The following CCDC38 variants were observed in gnomAD, a reference collection of about 807,000 sequenced individuals.
CCDC38 encodes coiled-coil domain-containing protein 38.
CCDC38 carries 69 observed loss-of-function variants against 72.8 expected under a neutral mutation model. The ratio of observed to expected loss-of-function variants is 0.95; its 90% CI spans 0.78 to 1.16. The LOEUF (loss-of-function observed/expected upper bound fraction) is 1.16, where lower values mean the gene tolerates loss of function less well. Ranked by LOEUF, CCDC38 falls within the 50% of genes most tolerant of loss-of-function variation. The pLI is 0.00. For synonymous variants in CCDC38, 201 were observed against 213.2 expected (o/e 0.94, Z 0.50); for missense variants, 626 against 638.9 (o/e 0.98, Z 0.22).
chr12:95,897,802 C>G (rs887793938), intron 7 of CCDC38, among the ~76,000 whole-genome samples: 2 of 151,924 alleles, frequency 1.3e-5, no homozygotes, highest in South Asian at 4.2e-4. Context: ...CACTGTGTTG[C>G]TAAGACTTCA....
At chr12:95,898,526 C>CAAA in intron 6 of CCDC38, 42 bp downstream of exon 6, 14 of 1,613,768 alleles carry the variant, frequency 8.7e-6, no homozygotes, top group Non-Finnish European at 1.2e-5. Flanking sequence ...AACAAACAAA[C>CAAA]AAAAGAGGTG....
intron 13 of CCDC38, among the ~76,000 whole-genome samples, chr12:95,874,526 A>G (rs1257476453): frequency 2.0e-5 from 3 of 152,238 alleles, no homozygotes; most frequent in African/African-American, 7.2e-5. Flanking sequence ...GGTAATTCAC[A>G]TATGAAAAAG....
intron 9 of CCDC38, 23 bp downstream of exon 9, chr12:95,890,809 A>C: frequency 6.9e-7 from 1 of 1,446,142 alleles, no homozygotes; most frequent in South Asian, 1.2e-5. Context: ...TTTTACTTTC[A>C]TGAGTCCCAA....
chr12:95,936,569 T>C (rs912664683), intron 1 of CCDC38, 46 bp from the exon 2 acceptor site: 2 of 1,537,052 alleles, frequency 1.3e-6, no homozygotes, highest in African/African-American at 2.7e-5. Context: ...TCTATGAACA[T>C]CATATAAAAG....
chr12:95,929,565 C>T (rs2080314396), intron 2 of CCDC38, among the ~76,000 whole-genome samples: 1 of 152,174 alleles, frequency 6.6e-6, no homozygotes, highest in Admixed American at 6.5e-5. Context: ...GGCTCCTCCC[C>T]TGCAAGTGTC....
intron 1 of CCDC38, among the ~76,000 whole-genome samples, chr12:95,939,809 T>G (rs2080430408): frequency 6.6e-6 from 1 of 152,200 alleles, no homozygotes. Context: ...GCTGTACAAT[T>G]ATATGTGGTC....
intron 8 of CCDC38, among the ~76,000 whole-genome samples, chr12:95,891,835 C>T (rs1198976263): frequency 2.6e-5 from 4 of 152,116 alleles, no homozygotes; most frequent in Non-Finnish European, 4.4e-5. Context: ...AGCAGGGAAA[C>T]CATTAGTGGT....
Position 95,898,635 on chromosome 12 carries a change from CTTGG to C in CCDC38, c.462_465del (p.Gln155MetfsTer18). On this transcript the variant is annotated frameshift_variant, in exon 6 of 16. Coordinates refer to ENST00000344280, the MANE Select transcript of CCDC38 (RefSeq NM_182496.3). LOFTEE classifies it high-confidence loss of function. ...AACTCTTCAAAGGCCAGTGCATCAT[CTTGG>C]AGCTTTTTCTCTGCTTTTTTTAGTT... 1 of 1,614,184 alleles carries C rather than the reference CTTGG, an allele frequency of 6.2e-7. No homozygotes were observed. Among genetic ancestry groups the C allele is most frequent in the Non-Finnish European group, 8.5e-7 (1 of 1,180,018 alleles).
At chr12:95,906,353 C>T in intron 5 of CCDC38, 34 bp downstream of exon 5, 2 of 1,420,934 alleles carry the variant, frequency 1.4e-6, no homozygotes, top group South Asian at 1.2e-5. Flanking sequence ...AGAAGTCTTC[C>T]ACTTGGCTAG....
At chr12:95,930,361 C>T (rs1299822592) in intron 2 of CCDC38, among the ~76,000 whole-genome samples, 1 of 151,322 alleles carries the variant, frequency 6.6e-6, no homozygotes, top group African/African-American at 2.4e-5. Flanking sequence ...AGTGTTGGTT[C>T]CTTCTGGAGG....
rs749206156 is a variant in CCDC38 at position 95,878,255 on chromosome 12, T to C, written c.1234A>G (p.Lys412Glu). ...TCTCCAAAGCTAAAGAGCTTGGACT[T>C]TAATTGCAATTCTGCTGCTTTCTCT... ...EEEKAAELQL[K>E]SKLFSFGEFN... Residue 412 changes from lysine (K) to glutamate (E), a missense_variant, in exon 13 of 16, where the codon AAG becomes GAG. By Grantham distance (56) the Lys-to-Glu change is moderately conservative (BLOSUM62 1). Transcript: ENST00000344280. The C allele has an allele frequency of 1.9e-5, 31 of 1,613,536 alleles. No homozygotes were observed. Among genetic ancestry groups the C allele is most frequent in the Non-Finnish European group, 2.5e-5 (29 of 1,179,822 alleles).
rs1203390313 is a variant in CCDC38, at chr12:95,898,378, C to T, written c.614+7G>A. On this transcript the variant is annotated splice_region_variant and intron_variant, in intron 7 of 15. Transcript: ENST00000344280. ...TTTGGCCACGAGAAGATTGTGCCCA[C>T]CCTCACCTTTTCACTGCTTGTACCT... 6.2e-7 allele frequency: 1 copy of T among 1,614,126 alleles called. No individual in the cohort carries two copies. The highest frequency in any genetic ancestry group is 1.7e-5 in the Admixed American group (1 of 60,020).
intron 2 of CCDC38, among the ~76,000 whole-genome samples, chr12:95,929,264 G>A (rs895187692): frequency 3.3e-5 from 5 of 152,150 alleles, no homozygotes; most frequent in African/African-American, 1.2e-4. Flanking sequence ...TAAGCCCATG[G>A]GAAAAGCGCA....
chr12:95,919,733 C>A, intron 2 of CCDC38: 1 of 407,658 alleles, frequency 2.5e-6, no homozygotes, highest in Non-Finnish European at 4.9e-6. Flanking sequence ...ACCACCATTA[C>A]CCTTACACCA....
intron 7 of CCDC38, chr12:95,896,470 T>C (rs1433208432): frequency 6.6e-6 from 1 of 152,240 alleles, no homozygotes; most frequent in African/African-American, 2.4e-5. Flanking sequence ...GTTTTCAGCT[T>C]TAATACTTCT....
At chr12:95,937,440 C>A (rs964594775) in intron 1 of CCDC38, among the ~76,000 whole-genome samples, 1 of 152,102 alleles carries the variant, frequency 6.6e-6, no homozygotes, top group Non-Finnish European at 1.5e-5. Flanking sequence ...CTGGCCTTAC[C>A]CTAATCCTTG....
intron 2 of CCDC38, among the ~76,000 whole-genome samples, chr12:95,923,335 T>A (rs2080229276): frequency 2.6e-5 from 4 of 152,104 alleles, no homozygotes. Context: ...AATACAGTGG[T>A]GTTTACAGAG....
chr12:95,903,399 C>T, intron 5 of CCDC38: 1 of 694,852 alleles, frequency 1.4e-6, no homozygotes, highest in Non-Finnish European at 2.6e-6. Flanking sequence ...TGTCTTATTG[C>T]ACTAGCTAGG....
chr12:95,898,184 T>C (rs1341100234), intron 7 of CCDC38, among the ~76,000 whole-genome samples: 1 of 152,246 alleles, frequency 6.6e-6, no homozygotes, highest in Non-Finnish European at 1.5e-5. Context: ...AGAGAGACTT[T>C]CCAACCGGAA....
Sources: gnomAD v4.1 joint callset for allele counts (sites outside exome capture counted in the v4.1 genomes callset) on GRCh38, gnomAD v4.1.1 for gene constraint, MANE v1.5 for transcripts, NCBI Gene and HGNC (gene_info 2026-07-23, HGNC 2026-07-21) for gene names.